Variants in DOCK1 observed in about 807,000 individuals in gnomAD.
DOCK1 encodes the protein dedicator of cytokinesis 1, also known as dedicator of cytokinesis protein 1.
DOCK1 carries 138 observed loss-of-function variants against 262.7 expected under a neutral mutation model. That is an observed-to-expected ratio of 0.53 (90% CI 0.46 to 0.61). DOCK1 has a LOEUF of 0.61. Among genes scored for constraint, DOCK1 ranks in the 20% least tolerant of loss-of-function variants. DOCK1 has a pLI of 0.00. For missense variants in DOCK1, 1,908 were observed against 2,370.7 expected, an observed-to-expected ratio of 0.80 and a Z score of 4.05; for synonymous variants, 866 against 867.4, an observed-to-expected ratio of 1.00 and a Z score of 0.03.
chr10:127,019,256 C>G (rs1350566425), intron 13 of DOCK1, among the ~76,000 whole-genome samples: 1 of 152,178 alleles, frequency 6.6e-6, no homozygotes, highest in African/African-American at 2.4e-5. Flanking sequence ...ACTGGCATTC[C>G]TCCATGAATT....
intron 29 of DOCK1, among the ~76,000 whole-genome samples, chr10:127,290,491 C>T (rs752476724): frequency 6.6e-6 from 1 of 152,208 alleles, no homozygotes. Flanking sequence ...AGCGCCTTCT[C>T]TCAGTTTCCT....
chr10:127,125,341 C>T, intron 25 of DOCK1, 133 bp from the exon 26 acceptor site: 2 of 1,225,608 alleles, frequency 1.6e-6, no homozygotes, highest in Non-Finnish European at 2.3e-6. Flanking sequence ...GTAATTGACC[C>T]CCCTCCAGAT....
chr10:127,081,370 CTT>C (rs11298794), intron 23 of DOCK1, among the ~76,000 whole-genome samples: 54 of 140,718 alleles, frequency 3.8e-4, no homozygotes, highest in Middle Eastern at 3.7e-3. Context: ...GTATGTGGGG[CTT>C]TTTTTTTTTT....
intron 23 of DOCK1, among the ~76,000 whole-genome samples, chr10:127,084,948 A>G (rs939949759): frequency 3.3e-5 from 5 of 152,176 alleles, no homozygotes; most frequent in African/African-American, 1.2e-4. Flanking sequence ...CTGGGTTGGC[A>G]TGGAAGACTG....
intron 29 of DOCK1, among the ~76,000 whole-genome samples, chr10:127,319,691 G>A (rs952623692): frequency 2.0e-5 from 3 of 152,204 alleles, no homozygotes; most frequent in Admixed American, 1.3e-4. Context: ...GCCATGGAAA[G>A]CCCATATTCA....
intron 25 of DOCK1, among the ~76,000 whole-genome samples, chr10:127,112,249 T>G (rs2048913243): frequency 6.6e-6 from 1 of 152,190 alleles, no homozygotes; most frequent in Non-Finnish European, 1.5e-5. Flanking sequence ...CGACCTCAAA[T>G]GATCCACCCG....
chr10:127,215,938 C>T (rs563982578), intron 27 of DOCK1, among the ~76,000 whole-genome samples: 3 of 152,192 alleles, frequency 2.0e-5, no homozygotes, highest in Middle Eastern at 3.4e-3. Flanking sequence ...AACTGCACCA[C>T]TTCATTTAAA....
In DOCK1 at chr10:127,399,302, G is replaced by C. The variant is rs147876564; in HGVS notation, c.3928-3753G>C. Among the ~76,000 whole-genome samples, 386 of 152,282 alleles carry C rather than the reference G, an allele frequency of 2.5e-3. 1 individual carries two copies. The highest frequency in any genetic ancestry group is 8.0e-3 in the African/African-American group (331 of 41,558). ...GGTGTTCAATCGCAGAGGTTAAAGT[G>C]ATTCTTTCACTGAGATAATCTAAAT... On this transcript the variant is annotated intron_variant, in intron 38 of 51. Coordinates refer to ENST00000623213, the MANE Select transcript of DOCK1 (RefSeq NM_001290223.2).
chr10:127,362,198 C>G lies in DOCK1; in HGVS notation c.3418C>G (p.Arg1140Gly), dbSNP rs538272737. The stretch of plus-strand genomic sequence containing the variant: ...GATGCAGTGTGAATTCCATTCGACC[C>G]GAAGCTTCCAAATGGTAAGGACGTA... ...DMMQCEFHST[R>G]SFQMFENEII... The change falls in exon 33 of 52, where the codon CGA becomes GGA. Residue 1140 changes from arginine (R) to glycine (G), a missense_variant. By Grantham distance (125) the Arg-to-Gly change is moderately radical. Around this residue, in one of 9 missense-constraint regions of DOCK1, gnomAD observed 518 missense variants for 575.1 expected, o/e 0.90. Coordinates refer to ENST00000623213, the MANE Select transcript of DOCK1 (RefSeq NM_001290223.2). 5.0e-6 allele frequency: 8 copies of G among 1,613,230 alleles called. No individual in the cohort carries two copies. The highest frequency in any genetic ancestry group is 5.9e-6 in the Non-Finnish European group (7 of 1,179,714).
intron 31 of DOCK1, among the ~76,000 whole-genome samples, chr10:127,352,075 A>G: frequency 6.6e-6 from 1 of 150,984 alleles, no homozygotes; most frequent in Non-Finnish European, 1.5e-5. Context: ...CCTACAGGAC[A>G]GTAAAGTCTA....
intron 25 of DOCK1, among the ~76,000 whole-genome samples, chr10:127,114,715 A>C (rs1417277054): frequency 6.6e-6 from 1 of 151,496 alleles, no homozygotes. Flanking sequence ...TGTACTCATC[A>C]CTCAGCTCCA....
At chr10:127,046,074 G>C (rs988817563) in intron 21 of DOCK1, among the ~76,000 whole-genome samples, 1 of 151,712 alleles carries the variant, frequency 6.6e-6, no homozygotes, top group African/African-American at 2.4e-5. Context: ...CCTTCTCTTT[G>C]CAAATCATTA....
intron 29 of DOCK1, among the ~76,000 whole-genome samples, chr10:127,258,973 A>G (rs908203444): frequency 1.3e-5 from 2 of 152,056 alleles, no homozygotes; most frequent in African/African-American, 4.8e-5. Context: ...TTTCTGGGGC[A>G]GCAGAGACAG....
In DOCK1 at chr10:127,031,900, A is replaced by G. The variant is rs1377923176; in HGVS notation, c.1728+147A>G. 23 of 893,876 alleles carry G rather than the reference A, an allele frequency of 2.6e-5. No individual in the cohort carries two copies. In the East Asian group the frequency reaches 5.9e-4, roughly 23 times the overall value. 55.4% of individuals were successfully genotyped at this position (893,876 alleles called of 1,614,324 possible). A position where few individuals can be genotyped will look rare whatever the true frequency, so the allele number is the denominator to read the frequency against. On this transcript the variant is annotated intron_variant, in intron 17 of 51. Coordinates refer to ENST00000623213, the MANE Select transcript of DOCK1 (RefSeq NM_001290223.2). ...ATGCAAATGAACATTTCCAATGACC[A>G]GCCCTTTTGTTGTTCCTAACGGGAA... is the stretch of plus-strand genomic sequence containing the variant.
intron 27 of DOCK1, among the ~76,000 whole-genome samples, chr10:127,231,885 A>G (rs1490483854): frequency 6.6e-6 from 1 of 152,212 alleles, no homozygotes; most frequent in Non-Finnish European, 1.5e-5. Context: ...ACAGACTTGA[A>G]CAAATGGAGA....
At chr10:127,339,728 T>C (rs1489142158) in intron 30 of DOCK1, among the ~76,000 whole-genome samples, 42 of 89,486 alleles carry the variant, frequency 4.7e-4, no homozygotes, top group African/African-American at 2.1e-3. Flanking sequence ...TGTGTGTGTG[T>C]GTGTGTGCAT....
At chr10:127,397,547 C>A (rs1403124257) in intron 38 of DOCK1, among the ~76,000 whole-genome samples, 7 of 150,034 alleles carry the variant, frequency 4.7e-5, no homozygotes, top group African/African-American at 1.7e-4. Flanking sequence ...CCTATGTGAT[C>A]TGAGCATGAG....
Position 127,141,043 on chromosome 10 carries a change from G to A in DOCK1, c.2847+13279G>A, listed in dbSNP as rs530741581. Reference sequence around the variant, plus strand: ...CCTACCTGGGGCCACATCTTTGTCCGGTGCTGCCAGCTTCATGATTATCAC... The same window carrying A: ...CCTACCTGGGGCCACATCTTTGTCCAGTGCTGCCAGCTTCATGATTATCAC... On this transcript the variant is annotated intron_variant, in intron 27 of 51. Transcript: ENST00000623213. Among the ~76,000 whole-genome samples the A allele has an allele frequency of 2.6e-5, 4 of 152,234 alleles. No homozygotes were observed. In the South Asian group the frequency reaches 8.3e-4, roughly 32 times the overall value.
At chr10:127,327,524 G>A (rs960811454) in intron 29 of DOCK1, among the ~76,000 whole-genome samples, 3 of 152,298 alleles carry the variant, frequency 2.0e-5, no homozygotes, top group Admixed American at 6.5e-5. Flanking sequence ...TTAGGCTTTG[G>A]CTTGAGGGAA....
Sources: allele counts gnomAD v4.1 joint callset (sites outside exome capture counted in the v4.1 genomes callset), GRCh38; gene constraint gnomAD v4.1.1; regional missense constraint gnomAD v4.1.1; transcripts MANE v1.5; gene names NCBI Gene and HGNC (gene_info 2026-07-23, HGNC 2026-07-21).